CALN1: variants seen among roughly 807,000 people sequenced by gnomAD.
CALN1 encodes the protein calcium-binding protein 8.
Under a neutral mutation model 30.6 loss-of-function variants are expected in CALN1, and 17 were observed. The ratio of observed to expected loss-of-function variants is 0.56; its 90% CI spans 0.38 to 0.83. The LOEUF (loss-of-function observed/expected upper bound fraction) is 0.83. CALN1 is among the 40% of genes least tolerant of loss of function. The pLI, the probability that CALN1 is intolerant of heterozygous loss-of-function variation, is 0.00. For missense variants in CALN1, 291 were observed against 354.9 expected, an observed-to-expected ratio of 0.82 and a Z score of 1.45; for synonymous variants, 156 against 131.4, an observed-to-expected ratio of 1.19 and a Z score of -1.28.
intron 2 of CALN1, among the ~76,000 whole-genome samples, chr7:72,396,468 T>C (rs920404740): frequency 2.0e-5 from 3 of 149,802 alleles, no homozygotes; most frequent in Non-Finnish European, 3.0e-5. Flanking sequence ...TAGAGCAATG[T>C]ATGCAATTTT....
chr7:72,242,862 T>G (rs937328891), intron 3 of CALN1, among the ~76,000 whole-genome samples: 3 of 152,150 alleles, frequency 2.0e-5, no homozygotes, highest in African/African-American at 7.2e-5. Context: ...CACTTCAGCC[T>G]GGGTGACAGA....
chr7:71,845,026 G>A (rs1249393676), intron 5 of CALN1, among the ~76,000 whole-genome samples: 2 of 152,066 alleles, frequency 1.3e-5, no homozygotes, highest in African/African-American at 4.8e-5. Flanking sequence ...TGGGATTACA[G>A]GCATGTGCCA....
chr7:72,167,285 G>GA (rs1788593703), intron 3 of CALN1, among the ~76,000 whole-genome samples: 1 of 152,176 alleles, frequency 6.6e-6, no homozygotes, highest in East Asian at 1.9e-4. Flanking sequence ...TGTGTAATGA[G>GA]AAAACAATAG....
At chr7:72,179,328 T>C (rs1281918160) in intron 3 of CALN1, among the ~76,000 whole-genome samples, 1 of 152,198 alleles carries the variant, frequency 6.6e-6, no homozygotes, top group Non-Finnish European at 1.5e-5. Context: ...TTAAATGTCA[T>C]ACAATTTTTT....
rs147084789 is a variant in CALN1 at position 72,399,165 on chromosome 7, C to T, written c.119+4086G>A. On this transcript the variant is annotated intron_variant, in intron 2 of 6. Coordinates refer to ENST00000395275, the MANE Select transcript of CALN1 (RefSeq NM_031468.4). Reference sequence around the variant, plus strand: ...GACAATCTAGGATCTTCTGCAGTAACGTAGGCTGACAAATGGGAGGACAAT... The same window carrying T: ...GACAATCTAGGATCTTCTGCAGTAATGTAGGCTGACAAATGGGAGGACAAT... Among the ~76,000 whole-genome samples, 319 of 151,856 alleles carry T rather than the reference C, an allele frequency of 2.1e-3. 2 individuals carry two copies. The highest frequency in any genetic ancestry group is 3.8e-3 in the Non-Finnish European group (259 of 67,948).
chr7:72,161,983 T>G (rs1229124983), intron 3 of CALN1, among the ~76,000 whole-genome samples: 6 of 150,954 alleles, frequency 4.0e-5, no homozygotes, highest in African/African-American at 1.5e-4. Flanking sequence ...ATCTAGGAAC[T>G]GAATGATATA....
At chr7:71,796,358 CTT>C (rs35184000) in intron 6 of CALN1, among the ~76,000 whole-genome samples, 12 of 130,176 alleles carry the variant, frequency 9.2e-5, no homozygotes, top group Admixed American at 1.6e-4. Flanking sequence ...ATGTTTCTTT[CTT>C]TTTTTTTTTT....
intron 3 of CALN1, among the ~76,000 whole-genome samples, chr7:72,189,837 C>T (rs370256416): frequency 2.6e-5 from 4 of 151,592 alleles, no homozygotes; most frequent in East Asian, 3.9e-4. Flanking sequence ...ACTAGTCATA[C>T]GATGTACCAT....
intron 5 of CALN1, among the ~76,000 whole-genome samples, chr7:71,944,058 C>T (rs554906434): frequency 2.5e-4 from 38 of 152,250 alleles, no homozygotes; most frequent in African/African-American, 8.9e-4. Flanking sequence ...AGACCAAAGC[C>T]CCAGGTTATG....
chr7:72,165,951 C>T (rs1480642477), intron 3 of CALN1, among the ~76,000 whole-genome samples: 1 of 152,140 alleles, frequency 6.6e-6, no homozygotes. Flanking sequence ...CTATGTGGGG[C>T]TGCTACCCAA....
At chr7:72,292,755 A>C (rs921364334) in intron 2 of CALN1, among the ~76,000 whole-genome samples, 1 of 143,892 alleles carries the variant, frequency 6.9e-6, no homozygotes, top group African/African-American at 2.6e-5. Context: ...TGGGAGGTGA[A>C]GGTTACAGTG....
rs935504924 is a variant in CALN1, at chr7:71,928,880, C to CA, written c.501+94776dup. Among the ~76,000 whole-genome samples the CA allele has an allele frequency of 2.8e-3, 417 of 146,582 alleles. 2 individuals are homozygous for CA. The highest frequency in any genetic ancestry group is 4.5e-3 in the African/African-American group (179 of 40,050). On this transcript the variant is annotated intron_variant, in intron 5 of 6. Coordinates refer to ENST00000395275, the MANE Select transcript of CALN1 (RefSeq NM_031468.4). ...CGCCTCTACTAAAAATACAAAAATA[C>CA]AAAAAAAAAAGAAATATTCTTGATT... is the stretch of plus-strand genomic sequence containing the variant.
intron 5 of CALN1, among the ~76,000 whole-genome samples, chr7:71,976,038 C>T (rs1472423113): frequency 6.6e-6 from 1 of 151,978 alleles, no homozygotes; most frequent in East Asian, 2.0e-4. Flanking sequence ...AGACTCCGGT[C>T]TCCACAAGAG....
intron 4 of CALN1, among the ~76,000 whole-genome samples, chr7:72,031,734 AT>A (rs544026184): frequency 0.06 from 6,855 of 114,306 alleles, 192 homozygotes; most frequent in African/African-American, 0.13. Context: ...CGCCTGGCTA[AT>A]TTTTTTTTTT....
intron 3 of CALN1, among the ~76,000 whole-genome samples, chr7:72,149,570 A>G (rs1787057896): frequency 6.6e-6 from 1 of 152,156 alleles, no homozygotes; most frequent in Non-Finnish European, 1.5e-5. Context: ...ACACACACAG[A>G]AACCCTGATT....
At chr7:72,480,291 A>G in the CALN1 span, among the ~76,000 whole-genome samples, 1 of 152,222 alleles carries the variant, frequency 6.6e-6, no homozygotes, top group South Asian at 2.1e-4. Flanking sequence ...TACTGTGTCT[A>G]TTGAGAGTGG....
chr7:72,128,942 A>G (rs1197246287), intron 3 of CALN1, among the ~76,000 whole-genome samples: 1 of 152,192 alleles, frequency 6.6e-6, no homozygotes, highest in East Asian at 1.9e-4. Context: ...ATCAGAAACA[A>G]AGTAAACATG....
chr7:72,095,111 T>C (rs1806129060), intron 4 of CALN1, among the ~76,000 whole-genome samples: 1 of 152,188 alleles, frequency 6.6e-6, no homozygotes, highest in Non-Finnish European at 1.5e-5. Context: ...GTTAAGATCT[T>C]AGAGTCATAT....
intron 3 of CALN1, among the ~76,000 whole-genome samples, chr7:72,147,074 T>C (rs1349065495): frequency 1.2e-4 from 19 of 152,174 alleles, no homozygotes; most frequent in African/African-American, 3.4e-4. Flanking sequence ...ACTTCATGTC[T>C]AAAACACCAA....
Sources: allele counts gnomAD v4.1 joint callset (sites outside exome capture counted in the v4.1 genomes callset), GRCh38; gene constraint gnomAD v4.1.1; transcripts MANE v1.5; gene names NCBI Gene and HGNC (gene_info 2026-07-23, HGNC 2026-07-21).